NEDD4L: variants seen among roughly 807,000 people sequenced by gnomAD.
NEDD4L encodes NEDD4 like E3 ubiquitin protein ligase.
In NEDD4L, 54 loss-of-function variants were observed where a neutral mutation model predicts 148.9. The observed-to-expected ratio is 0.36, with a 90% CI of 0.29 to 0.45. The LOEUF (loss-of-function observed/expected upper bound fraction) is 0.45. Ranked by LOEUF, NEDD4L falls within the 20% of genes least tolerant of loss-of-function variation. The pLI is 1.00. For synonymous variants in NEDD4L, 433 were observed against 440.7 expected (o/e 0.98, Z 0.22); for missense variants, 856 against 1,233.8 (o/e 0.69, Z 4.59).
At chr18:58,250,620 G>T (rs1456546116) in intron 4 of NEDD4L, among the ~76,000 whole-genome samples, 4 of 152,074 alleles carry the variant, frequency 2.6e-5, no homozygotes, top group Non-Finnish European at 2.9e-5. Context: ...AGCACAAGCT[G>T]AGCTCTCTGT....
intron 19 of NEDD4L, among the ~76,000 whole-genome samples, chr18:58,363,384 G>A (rs1422499210): frequency 6.6e-6 from 1 of 152,168 alleles, no homozygotes; most frequent in Non-Finnish European, 1.5e-5. Flanking sequence ...TGGCTAAAAA[G>A]CAATGAGTTG....
chr18:58,391,366 GTCTTGGGCCTCACCCCTGGGGGCAAAC>G, intron 29 of NEDD4L, 94 bp from the exon 30 acceptor site: 2 of 745,480 alleles, frequency 2.7e-6, no homozygotes, highest in African/African-American at 3.5e-5. Flanking sequence ...AGAAGAGAGT[GTCTTGGGCCTCACCCCTGGGGGCAAAC>G]CCTGCCCTGA....
chr18:58,269,237 A>G (rs1414910331), intron 5 of NEDD4L, among the ~76,000 whole-genome samples: 6 of 151,998 alleles, frequency 3.9e-5, no homozygotes, highest in Non-Finnish European at 8.8e-5. Context: ...GATGGGATCG[A>G]GCAGTATTTA....
chr18:58,157,961 T>C (rs1268793020), intron 1 of NEDD4L, among the ~76,000 whole-genome samples: 1 of 152,226 alleles, frequency 6.6e-6, no homozygotes, highest in Non-Finnish European at 1.5e-5. Flanking sequence ...GCAACAGATA[T>C]TTATTATCTC....
At position 58,082,001 on chromosome 18, in the gene NEDD4L, G is replaced by A. The variant is rs73440813; in HGVS notation, c.48+37293G>A. Reference sequence around the variant, plus strand: ...ATGCATTTTGTTTGCATTTTAAAAAGGAATGGTACAGGAAATGATTGTAAT... The same window carrying A: ...ATGCATTTTGTTTGCATTTTAAAAAAGAATGGTACAGGAAATGATTGTAAT... On this transcript the variant is annotated intron_variant, in intron 1 of 30. Transcript: ENST00000400345. Among the ~76,000 whole-genome samples, 812 of 147,648 alleles carry A rather than the reference G, an allele frequency of 5.5e-3. 7 individuals are homozygous for A. Among genetic ancestry groups the A allele is most frequent in the African/African-American group, 0.019 (763 of 39,838 alleles).
intron 1 of NEDD4L, among the ~76,000 whole-genome samples, chr18:58,118,890 C>T (rs2086035325): frequency 6.6e-6 from 1 of 152,170 alleles, no homozygotes; most frequent in East Asian, 1.9e-4. Context: ...CCTCTTCAGC[C>T]CCCCAAGCGG....
chr18:58,326,904 G>T (rs1390850974), intron 9 of NEDD4L, among the ~76,000 whole-genome samples: 4 of 151,930 alleles, frequency 2.6e-5, no homozygotes, highest in Non-Finnish European at 5.9e-5. Context: ...CTATTTTTTT[G>T]ATGGCTCCAC....
chr18:58,322,537 GGT>G, intron 7 of NEDD4L, 51 bp downstream of exon 7: 1 of 1,220,888 alleles, frequency 8.2e-7, no homozygotes, highest in Non-Finnish European at 1.2e-6. Context: ...GCATGCTGTA[GGT>G]ATAGGTGGGG....
intron 5 of NEDD4L, among the ~76,000 whole-genome samples, chr18:58,291,268 G>A (rs1352773511): frequency 1.3e-5 from 2 of 152,218 alleles, no homozygotes; most frequent in Non-Finnish European, 2.9e-5. Flanking sequence ...TTGCACTGGA[G>A]CTTTTCACAG....
At chr18:58,214,593 A>G (rs1568403257) in intron 2 of NEDD4L, among the ~76,000 whole-genome samples, 1 of 105,880 alleles carries the variant, frequency 9.4e-6, no homozygotes, top group Admixed American at 9.9e-5. Flanking sequence ...TTCCATAAAC[A>G]TTAGCTGCTC....
chr18:58,161,952 A>G (rs1463396587), intron 1 of NEDD4L, among the ~76,000 whole-genome samples: 1 of 152,214 alleles, frequency 6.6e-6, no homozygotes, highest in South Asian at 2.1e-4. Context: ...GTCAAGTTGC[A>G]TGTCCGGGTA....
chr18:58,172,333 G>C (rs1039929504), intron 2 of NEDD4L, among the ~76,000 whole-genome samples: 2 of 152,188 alleles, frequency 1.3e-5, no homozygotes, highest in African/African-American at 4.8e-5. Context: ...GCTCTGTGGT[G>C]GGGCAGGGAC....
intron 1 of NEDD4L, chr18:58,045,224 A>T: frequency 2.5e-6 from 1 of 398,102 alleles, no homozygotes; most frequent in Non-Finnish European, 4.4e-6. Flanking sequence ...TCCCGGCGGG[A>T]ATGGGGGACA....
chr18:58,205,879 T>G (rs1367895336), intron 2 of NEDD4L, among the ~76,000 whole-genome samples: 1 of 152,054 alleles, frequency 6.6e-6, no homozygotes, highest in Non-Finnish European at 1.5e-5. Context: ...TGTTCTGATG[T>G]TTGTTTTCCT....
chr18:58,160,429 CA>C (rs2036057842), intron 1 of NEDD4L, among the ~76,000 whole-genome samples: 1 of 152,190 alleles, frequency 6.6e-6, no homozygotes, highest in African/African-American at 2.4e-5. Context: ...TACACAATAA[CA>C]ATGCAGAACA....
intron 2 of NEDD4L, among the ~76,000 whole-genome samples, chr18:58,196,133 C>T (rs1373587468): frequency 6.6e-6 from 1 of 152,146 alleles, no homozygotes; most frequent in Non-Finnish European, 1.5e-5. Context: ...ATGCAGAGTT[C>T]AGAAATTTTC....
chr18:58,380,987 C>T (rs956666266), intron 24 of NEDD4L, among the ~76,000 whole-genome samples: 6 of 152,074 alleles, frequency 3.9e-5, no homozygotes, highest in African/African-American at 4.8e-5. Context: ...TGTTGGTAGA[C>T]GTTTAGGCTA....
In NEDD4L at chr18:58,335,513, T is replaced by C. The variant is rs201926686; in HGVS notation, c.1101T>C (p.Thr367=). 4.6e-5 allele frequency: 75 copies of C among 1,613,578 alleles called. No individual in the cohort carries two copies. Among genetic ancestry groups the C allele is most frequent in the Non-Finnish European group, 5.9e-5 (70 of 1,179,618 alleles). Residue 367 remains threonine (T), a synonymous_variant, in exon 13 of 31, where the codon ACT becomes ACC. Transcript: ENST00000400345. ...SAPAGRARSS[T]VTGGEEPTPS... Reference sequence around the variant, plus strand: ...CAGCTGGGAGAGCGCGTTCATCAACTGTCACGGGTGGTGAGGAACCAACGG... The same window carrying C: ...CAGCTGGGAGAGCGCGTTCATCAACCGTCACGGGTGGTGAGGAACCAACGG...
At chr18:58,051,603 C>G (rs1161976391) in intron 1 of NEDD4L, among the ~76,000 whole-genome samples, 1 of 152,180 alleles carries the variant, frequency 6.6e-6, no homozygotes, top group African/African-American at 2.4e-5. Flanking sequence ...GTTACAAGAT[C>G]TGCATTAAAC....
Sources: gnomAD v4.1 joint callset for allele counts (sites outside exome capture counted in the v4.1 genomes callset) on GRCh38, gnomAD v4.1.1 for gene constraint, MANE v1.5 for transcripts, NCBI Gene and HGNC (gene_info 2026-07-23, HGNC 2026-07-21) for gene names.